The following GLYATL2 variants were observed in gnomAD, a reference collection of about 807,000 sequenced individuals.
GLYATL2 encodes the protein glycine-N-acyltransferase like 2.
In GLYATL2, 25 loss-of-function variants were observed where a neutral mutation model predicts 21.4. The observed-to-expected ratio is 1.17, with a 90% confidence interval of 0.85 to 1.63. GLYATL2 has a LOEUF of 1.63. Ranked by LOEUF, GLYATL2 falls within the 40% of genes most tolerant of loss-of-function variation. The pLI, the probability that GLYATL2 is intolerant of heterozygous loss-of-function variation, is 0.00. For synonymous variants in GLYATL2, 114 were observed against 118.2 expected (o/e 0.96, Z 0.23); for missense variants, 361 against 343.3 (o/e 1.05, Z -0.41).
At chr11:58,905,741 G>C (rs1442950901), upstream of GLYATL2, 1 of 376,866 alleles carries the variant, frequency 2.7e-6, no homozygotes, top group Admixed American at 2.7e-5. Flanking sequence ...GGACAAATAG[G>C]GAGGGTGGGC....
chr11:58,881,416 G>A (rs1027570608), intron 1 of GLYATL2, among the ~76,000 whole-genome samples: 24 of 152,234 alleles, frequency 1.6e-4, no homozygotes, highest in African/African-American at 5.5e-4. Flanking sequence ...TATTTCAACG[G>A]AAGTTTACAG....
At chr11:58,894,851 A>C (rs1854607947) in intron 1 of GLYATL2, among the ~76,000 whole-genome samples, 1 of 152,250 alleles carries the variant, frequency 6.6e-6, no homozygotes, top group East Asian at 1.9e-4. Flanking sequence ...GAGAAGAAAC[A>C]TGTCATTTGG....
At chr11:58,869,235 A>C (rs946361081) in intron 1 of GLYATL2, among the ~76,000 whole-genome samples, 1 of 152,178 alleles carries the variant, frequency 6.6e-6, no homozygotes, top group Non-Finnish European at 1.5e-5. Flanking sequence ...AATTTGATAA[A>C]CCGATATTCT....
the GLYATL2 span, among the ~76,000 whole-genome samples, chr11:58,909,595 G>A: frequency 1.1e-4 from 17 of 152,110 alleles, no homozygotes; most frequent in Non-Finnish European, 2.5e-4. Context: ...GTGTATCAAG[G>A]ATGAAGGAAT....
chr11:58,868,922 T>G (rs1380004924), intron 1 of GLYATL2, among the ~76,000 whole-genome samples: 2 of 149,158 alleles, frequency 1.3e-5, no homozygotes, highest in African/African-American at 4.8e-5. Flanking sequence ...CAAGCCCAAC[T>G]GATGAAGAGA....
intron 5 of GLYATL2, among the ~76,000 whole-genome samples, chr11:58,835,655 C>T (rs17492226): frequency 0.015 from 2,268 of 152,170 alleles, 23 homozygotes; most frequent in South Asian, 0.046. Flanking sequence ...TTTCTACGGG[C>T]GATGCTTTGT....
At chr11:58,887,384 G>C (rs533269485) in intron 1 of GLYATL2, among the ~76,000 whole-genome samples, 47 of 152,192 alleles carry the variant, frequency 3.1e-4, no homozygotes, top group African/African-American at 1.1e-3. Flanking sequence ...TTCAGGGTGG[G>C]ATGCAGGAGA....
chr11:58,885,569 G>T, intron 1 of GLYATL2: 1 of 400,258 alleles, frequency 2.5e-6, no homozygotes, highest in Admixed American at 2.8e-5. Flanking sequence ...GACTAGTGGA[G>T]CCAGGCAGGC....
intron 1 of GLYATL2, among the ~76,000 whole-genome samples, chr11:58,897,398 G>C (rs1454850464): frequency 2.6e-5 from 4 of 152,042 alleles, no homozygotes; most frequent in Non-Finnish European, 5.9e-5. Flanking sequence ...GATGTCCAAG[G>C]TCACCCCTGT....
intron 1 of GLYATL2, among the ~76,000 whole-genome samples, chr11:58,900,602 T>G (rs1168723819): frequency 6.6e-6 from 1 of 151,932 alleles, no homozygotes; most frequent in Non-Finnish European, 1.5e-5. Flanking sequence ...TGACGGGGGG[T>G]AGGTTTGCCT....
intron 1 of GLYATL2, among the ~76,000 whole-genome samples, chr11:58,896,981 CT>C (rs1451137472): frequency 1.3e-5 from 2 of 152,152 alleles, no homozygotes; most frequent in African/African-American, 2.4e-5. Flanking sequence ...TACAGTTGCC[CT>C]TGTAGGCAGA....
At chr11:58,887,437 A>G (rs1854463009) in intron 1 of GLYATL2, among the ~76,000 whole-genome samples, 1 of 152,144 alleles carries the variant, frequency 6.6e-6, no homozygotes, top group Admixed American at 6.5e-5. Flanking sequence ...TTGGTTTTTA[A>G]TCTCAAAGAT....
chr11:58,854,259 T>C (rs546853461), intron 1 of GLYATL2, among the ~76,000 whole-genome samples: 2 of 152,324 alleles, frequency 1.3e-5, no homozygotes, highest in East Asian at 3.9e-4. Flanking sequence ...AATTCTACAA[T>C]GTACATAGAA....
chr11:58,878,387 C>G (rs1590742322), intron 1 of GLYATL2: 1 of 627,074 alleles, frequency 1.6e-6, no homozygotes, highest in Non-Finnish European at 2.3e-6. Flanking sequence ...CATAGGTAAG[C>G]TCCCTCTCGC....
intron 1 of GLYATL2, among the ~76,000 whole-genome samples, chr11:58,890,311 A>G (rs1399886281): frequency 1.3e-5 from 2 of 152,168 alleles, no homozygotes; most frequent in African/African-American, 4.8e-5. Flanking sequence ...CAGCAATGCC[A>G]TTACTAGGTA....
intron 5 of GLYATL2, among the ~76,000 whole-genome samples, chr11:58,836,110 A>G (rs1853426410): frequency 6.6e-6 from 1 of 152,240 alleles, no homozygotes; most frequent in Non-Finnish European, 1.5e-5. Flanking sequence ...AGAAGCAACC[A>G]CTAATGCCAA....
chr11:58,859,660 T>G (rs1853896991), intron 1 of GLYATL2, among the ~76,000 whole-genome samples: 1 of 152,218 alleles, frequency 6.6e-6, no homozygotes, highest in African/African-American at 2.4e-5. Flanking sequence ...TCGTTATCTG[T>G]GCTTTAGGAA....
At chr11:58,857,341 A>G (rs576087) in intron 1 of GLYATL2, among the ~76,000 whole-genome samples, 135,007 of 152,190 alleles carry the variant, frequency 0.89, 61,047 homozygotes, top group Non-Finnish European at 0.98. Flanking sequence ...TCAAGATGGC[A>G]GTGGGGAGCT....
intron 1 of GLYATL2, among the ~76,000 whole-genome samples, chr11:58,891,807 G>A (rs547783934): frequency 3.9e-5 from 6 of 152,184 alleles, no homozygotes; most frequent in African/African-American, 1.4e-4. Flanking sequence ...TGGCCCAAGA[G>A]GTGAGAGAAG....
Sources: allele counts gnomAD v4.1 joint callset (sites outside exome capture counted in the v4.1 genomes callset), GRCh38; gene constraint gnomAD v4.1.1; transcripts MANE v1.5; gene names NCBI Gene and HGNC (gene_info 2026-07-23, HGNC 2026-07-21).